Variants in JAK2 observed in about 807,000 individuals in gnomAD.
The protein encoded by JAK2 is tyrosine-protein kinase JAK2.
Under a neutral mutation model 139.3 loss-of-function variants are expected in JAK2, and 86 were observed. The observed-to-expected ratio is 0.62, with a 90% CI of 0.52 to 0.74. The LOEUF (loss-of-function observed/expected upper bound fraction) is 0.74. Ranked by LOEUF, JAK2 falls within the 30% of genes least tolerant of loss-of-function variation. The pLI is 0.00. For synonymous variants in JAK2, 490 were observed against 437.7 expected (o/e 1.12, Z -1.49); for missense variants, 1,421 against 1,360.3 (o/e 1.04, Z -0.70).
chr9:5,047,453 A>G (rs992199283), intron 5 of JAK2, among the ~76,000 whole-genome samples: 7 of 152,262 alleles, frequency 4.6e-5, no homozygotes, highest in African/African-American at 1.7e-4. Flanking sequence ...ATGGCTGCTA[A>G]GCAAATAAAC....
chr9:4,988,356 A>G (rs1820079678), intron 2 of JAK2, among the ~76,000 whole-genome samples: 1 of 152,264 alleles, frequency 6.6e-6, no homozygotes, highest in South Asian at 2.1e-4. Context: ...AAAAGCAACT[A>G]CTACATGAAA....
intron 4 of JAK2, 123 bp from the exon 5 acceptor site, chr9:5,044,278 ACT>A (rs1816836041): frequency 6.2e-6 from 4 of 648,972 alleles, no homozygotes; most frequent in African/African-American, 1.9e-5. Flanking sequence ...TATATTTAAT[ACT>A]GTTAGCTGTG....
chr9:5,090,232 CTG>C (rs1487811365), intron 20 of JAK2, among the ~76,000 whole-genome samples: 1 of 152,138 alleles, frequency 6.6e-6, no homozygotes, highest in Non-Finnish European at 1.5e-5. Context: ...TTATAGAAAA[CTG>C]AAACGCAAAT....
At chr9:5,066,904 T>C (rs1818611916) in intron 10 of JAK2, 115 bp downstream of exon 10, 1 of 422,482 alleles carries the variant, frequency 2.4e-6, no homozygotes, top group Non-Finnish European at 4.1e-6. Flanking sequence ...TTGGATATGA[T>C]AACTAGTATA....
rs2130491556 is a variant in JAK2, at chr9:5,064,897, C to T, written c.1071C>T (p.Ser357=). The T allele has an allele frequency of 1.9e-6, 3 of 1,579,000 alleles. No homozygotes were observed. Among genetic ancestry groups the T allele is most frequent in the Non-Finnish European group, 2.6e-6 (3 of 1,162,718 alleles). Residue 357 remains serine, a synonymous_variant, in exon 9 of 25, where the codon AGC becomes AGT. Transcript: ENST00000381652. ...TCTCTGCTTAGGAAATTGAACTTAG[C>T]TCATTAAGGGAAGCTTTGTCTTTCG... The part of the protein sequence containing the change: ...QDGKNLEIEL[S]SLREALSFVS...
In JAK2 at chr9:5,080,658, A is replaced by G. The variant is rs1285488891; in HGVS notation, c.2409A>G (p.Arg803=). 1.3e-5 allele frequency: 20 copies of G among 1,590,784 alleles called. No homozygotes were observed. In the African/African-American group the frequency reaches 2.1e-4, roughly 16 times the overall value. ...DFRPSFRAII[R]DLNSLFTPDY... ...GGCCTTCTTTCAGAGCCATCATACG[A>G]GATCTTAACAGTTTGTTTACTCCAG... The change falls in exon 18 of 25, where the codon CGA becomes CGG. Residue 803 remains arginine (R), a synonymous_variant. Coordinates refer to ENST00000381652, the MANE Select transcript of JAK2 (RefSeq NM_004972.4).
At chr9:5,075,139 G>C (rs1819224140) in intron 14 of JAK2, among the ~76,000 whole-genome samples, 1 of 152,102 alleles carries the variant, frequency 6.6e-6, no homozygotes, top group Admixed American at 6.6e-5. Flanking sequence ...AAAGTTGGAA[G>C]CTAGCAGAGG....
At chr9:5,009,775 A>T (rs1013626665) in intron 2 of JAK2, among the ~76,000 whole-genome samples, 8 of 146,292 alleles carry the variant, frequency 5.5e-5, no homozygotes, top group East Asian at 3.9e-4. Flanking sequence ...TTCAGTTAAA[A>T]TTTTTTTTTT....
intron 22 of JAK2, chr9:5,094,796 C>G (rs1030348103): frequency 5.3e-5 from 8 of 152,112 alleles, no homozygotes; most frequent in Non-Finnish European, 1.2e-4. Flanking sequence ...TACTATTTTT[C>G]TAGGAGTACT....
chr9:5,034,940 A>G (rs1722351283), intron 4 of JAK2, among the ~76,000 whole-genome samples: 1 of 152,036 alleles, frequency 6.6e-6, no homozygotes, highest in African/African-American at 2.4e-5. Context: ...AAAATCAATG[A>G]ATGCTGGAGC....
At chr9:5,080,953 T>C (rs1819653997) in intron 18 of JAK2, among the ~76,000 whole-genome samples, 1 of 143,634 alleles carries the variant, frequency 7.0e-6, no homozygotes, top group Non-Finnish European at 1.5e-5. Context: ...TGGAGTGCAG[T>C]GGCGCGATCT....
At chr9:4,986,844 A>C (rs138600738) in intron 2 of JAK2, among the ~76,000 whole-genome samples, 15 of 152,148 alleles carry the variant, frequency 9.9e-5, no homozygotes, top group African/African-American at 3.4e-4. Context: ...GCATGAAACA[A>C]AGTTTGTATT....
At chr9:5,055,528 A>G in intron 7 of JAK2, 141 bp from the exon 8 acceptor site, 1 of 594,610 alleles carries the variant, frequency 1.7e-6, no homozygotes, top group South Asian at 2.3e-5. Flanking sequence ...GATAGAGTAA[A>G]TCACGTTTAA....
intron 2 of JAK2, among the ~76,000 whole-genome samples, chr9:5,005,851 A>G (rs1821264042): frequency 6.6e-6 from 1 of 152,166 alleles, no homozygotes; most frequent in Non-Finnish European, 1.5e-5. Flanking sequence ...CCATTGATCT[A>G]TATCTCTGTT....
intron 22 of JAK2, chr9:5,095,082 T>C (rs1820883243): frequency 6.6e-6 from 1 of 152,138 alleles, no homozygotes; most frequent in Non-Finnish European, 1.5e-5. Flanking sequence ...AATCCTCTTA[T>C]TTCTGGAACT....
rs760148809 is a variant in JAK2 at position 5,080,672 on chromosome 9, T to G, written c.2423T>G (p.Leu808Trp). Reference sequence around the variant, plus strand: ...GCCATCATACGAGATCTTAACAGTTTGTTTACTCCAGGTATGTATTTGAAT... The same window carrying G: ...GCCATCATACGAGATCTTAACAGTTGGTTTACTCCAGGTATGTATTTGAAT... ...FRAIIRDLNS[L>W]FTPDYELLTE... Residue 808 changes from leucine (L) to tryptophan (W), a missense_variant, in exon 18 of 25, where the codon TTG becomes TGG. Coordinates refer to ENST00000381652, the MANE Select transcript of JAK2 (RefSeq NM_004972.4). The G allele has an allele frequency of 4.4e-6, 7 of 1,583,806 alleles. No individual in the cohort carries two copies. The East Asian group carries it at 1.6e-4, about 36-fold the overall frequency.
At chr9:4,988,025 T>C (rs1820060751) in intron 2 of JAK2, among the ~76,000 whole-genome samples, 1 of 152,192 alleles carries the variant, frequency 6.6e-6, no homozygotes, top group African/African-American at 2.4e-5. Flanking sequence ...TTACAGCCTT[T>C]GTATGGAAAG....
intron 22 of JAK2, chr9:5,100,233 A>G (rs1004985227): frequency 6.6e-6 from 1 of 152,208 alleles, no homozygotes; most frequent in Non-Finnish European, 1.5e-5. Context: ...ATGACAACAC[A>G]TAATGACCCA....
chr9:5,094,814 A>G (rs527292250), intron 22 of JAK2: 2 of 152,264 alleles, frequency 1.3e-5, no homozygotes, highest in Non-Finnish European at 2.9e-5. Context: ...ACTACACACT[A>G]TGTATTCACC....
Sources: gnomAD v4.1 joint callset for allele counts (sites outside exome capture counted in the v4.1 genomes callset) on GRCh38, gnomAD v4.1.1 for gene constraint, MANE v1.5 for transcripts, NCBI Gene and HGNC (gene_info 2026-07-23, HGNC 2026-07-21) for gene names.